Variants in SLC9B1 observed in about 807,000 individuals in gnomAD.
The protein encoded by SLC9B1 is sodium/hydrogen exchanger 9B1.
Under a neutral mutation model 51.7 loss-of-function variants are expected in SLC9B1, and 32 were observed. The ratio of observed to expected loss-of-function variants is 0.62; its 90% CI spans 0.47 to 0.83. The LOEUF is 0.83. Among genes scored for constraint, SLC9B1 ranks in the 40% least tolerant of loss-of-function variants. The pLI is 0.00. For missense variants in SLC9B1, 406 were observed against 613.2 expected (o/e 0.66, Z 3.57); for synonymous variants, 145 against 212.7 (o/e 0.68, Z 2.77).
intron 3 of SLC9B1, among the ~76,000 whole-genome samples, chr4:102,979,719 A>T (rs1739256372): frequency 6.6e-6 from 1 of 152,108 alleles, no homozygotes; most frequent in Admixed American, 6.6e-5. Context: ...TTGTATTTTT[A>T]ATAGGCTTTA....
At chr4:102,899,971 C>T (rs1009781880), downstream of SLC9B1, among the ~76,000 whole-genome samples, 1 of 152,118 alleles carries the variant, frequency 6.6e-6, no homozygotes, top group Non-Finnish European at 1.5e-5. Flanking sequence ...CTGGCAGTTT[C>T]GGTGATATAT....
At chr4:102,969,465 C>T (rs573731294) in intron 3 of SLC9B1, among the ~76,000 whole-genome samples, 1 of 152,220 alleles carries the variant, frequency 6.6e-6, no homozygotes, top group East Asian at 1.9e-4. Flanking sequence ...ACATCCACAC[C>T]AAAACCCCAT....
chr4:102,961,881 T>C (rs1377954237), intron 3 of SLC9B1: 1 of 217,350 alleles, frequency 4.6e-6, no homozygotes, highest in Non-Finnish European at 9.2e-6. Flanking sequence ...GTGTATGGGG[T>C]GAGTGGGTTG....
intron 1 of SLC9B1, among the ~76,000 whole-genome samples, chr4:103,002,376 T>C (rs1465211931): frequency 6.6e-6 from 1 of 152,208 alleles, no homozygotes; most frequent in African/African-American, 2.4e-5. Context: ...CTGCTTATAA[T>C]GTGACAAGTA....
At chr4:102,896,971 A>T (rs923766892), downstream of SLC9B1, 5 of 155,532 alleles carry the variant, frequency 3.2e-5, no homozygotes, top group Non-Finnish European at 7.3e-5. Flanking sequence ...TGCCTTAAAG[A>T]TCTCTTTGGC....
chr4:102,905,937 A>T (rs1349453850), intron 10 of SLC9B1, among the ~76,000 whole-genome samples: 1 of 151,936 alleles, frequency 6.6e-6, no homozygotes, highest in Non-Finnish European at 1.5e-5. Flanking sequence ...ATTATTAATA[A>T]TAATAATTTA....
chr4:102,901,935 C>T (rs1314799652), intron 11 of SLC9B1, among the ~76,000 whole-genome samples: 1 of 152,156 alleles, frequency 6.6e-6, no homozygotes. Flanking sequence ...GAACAAAATA[C>T]TTATCTTACT....
chr4:102,894,033 T>C (rs1734413868), intron 11 of SLC9B1, among the ~76,000 whole-genome samples: 1 of 152,322 alleles, frequency 6.6e-6, no homozygotes, highest in Admixed American at 6.5e-5. Flanking sequence ...CAAAGAGCAC[T>C]GTATTTCAGG....
intron 3 of SLC9B1, among the ~76,000 whole-genome samples, chr4:102,984,100 T>C (rs990503593): frequency 1.3e-5 from 2 of 152,006 alleles, no homozygotes; most frequent in African/African-American, 4.8e-5. Flanking sequence ...TTGTTCAAAG[T>C]ACTTGTATTT....
At chr4:102,961,341 C>G (rs1420835130) in intron 3 of SLC9B1, among the ~76,000 whole-genome samples, 1 of 152,286 alleles carries the variant, frequency 6.6e-6, no homozygotes, top group East Asian at 1.9e-4. Flanking sequence ...TCTGAATCAC[C>G]CATGATTACT....
chr4:102,953,974 G>T (rs1737647514), intron 3 of SLC9B1, among the ~76,000 whole-genome samples: 1 of 22,774 alleles, frequency 4.4e-5, no homozygotes, highest in Non-Finnish European at 6.7e-5. Context: ...TCCTTCTCCT[G>T]CCTGATTGCC....
chr4:102,982,426 T>C (rs1560519072), intron 3 of SLC9B1, among the ~76,000 whole-genome samples: 2 of 152,148 alleles, frequency 1.3e-5, no homozygotes, highest in Admixed American at 6.6e-5. Context: ...AATAAATTTG[T>C]TCATATCCAC....
intron 11 of SLC9B1, chr4:102,888,292 G>A (rs1029705869): frequency 1.1e-4 from 16 of 151,918 alleles, no homozygotes; most frequent in African/African-American, 2.9e-4. Flanking sequence ...CCTTGTATAC[G>A]CTAGGGACTG....
chr4:103,019,243 T>C (rs900374424), intron 1 of SLC9B1, among the ~76,000 whole-genome samples: 4 of 152,160 alleles, frequency 2.6e-5, no homozygotes, highest in African/African-American at 7.2e-5. Context: ...AAGGTTTATT[T>C]GCAGGGATCC....
chr4:102,974,242 G>GAAAAAAAA lies in SLC9B1; in HGVS notation c.211+15550_211+15557dup, dbSNP rs141412944. On this transcript the variant is annotated intron_variant, in intron 3 of 11. Transcript: ENST00000296422. Reference sequence around the variant, plus strand: ...ACAGAGCAAGACTCTGTCTAAAATTGAAAAAAAAAAAAAAAAAAAAAAAAT... The same window carrying GAAAAAAAA: ...ACAGAGCAAGACTCTGTCTAAAATTGAAAAAAAAAAAAAAAAAAAAAAAAAAAAAAAAT... Among the ~76,000 whole-genome samples, 525 of 53,420 alleles carry GAAAAAAAA rather than the reference G, an allele frequency of 9.8e-3. 84 individuals are homozygous for GAAAAAAAA. Among genetic ancestry groups the GAAAAAAAA allele is most frequent in the Middle Eastern group, 0.021 (1 of 48 alleles). The allele number at this position is 53,420 out of a possible 152,430, so 35.0% of individuals were successfully genotyped here. A position where few individuals can be genotyped will look rare whatever the true frequency, so the allele number is the denominator to read the frequency against.
chr4:102,914,364 G>A (rs1285471434), intron 7 of SLC9B1, among the ~76,000 whole-genome samples: 7 of 152,012 alleles, frequency 4.6e-5, no homozygotes, highest in Admixed American at 6.6e-5. Flanking sequence ...CCCTTCAACT[G>A]TAATTTCTAA....
chr4:102,974,379 T>C (rs1738948347), intron 3 of SLC9B1, among the ~76,000 whole-genome samples: 1 of 151,640 alleles, frequency 6.6e-6, no homozygotes, highest in Non-Finnish European at 1.5e-5. Flanking sequence ...AACCAAATGC[T>C]GATTCTTTGA....
intron 11 of SLC9B1, chr4:102,892,113 C>A (rs1376952471): frequency 6.6e-6 from 1 of 152,176 alleles, no homozygotes; most frequent in Non-Finnish European, 1.5e-5. Context: ...GGCTGGAGTG[C>A]GGGGGCATGA....
chr4:102,893,491 C>A (rs1734376347), intron 11 of SLC9B1, among the ~76,000 whole-genome samples: 1 of 152,044 alleles, frequency 6.6e-6, no homozygotes, highest in African/African-American at 2.4e-5. Context: ...TTTTTAAAAT[C>A]CATAATTTAA....
Sources: allele counts gnomAD v4.1 joint callset (sites outside exome capture counted in the v4.1 genomes callset), GRCh38; gene constraint gnomAD v4.1.1; transcripts MANE v1.5; gene names NCBI Gene and HGNC (gene_info 2026-07-23, HGNC 2026-07-21).